LGR5: variants seen among roughly 807,000 people sequenced by gnomAD.
LGR5 encodes leucine-rich repeat-containing G protein-coupled receptor 5.
A neutral mutation model predicts 76.7 loss-of-function variants in LGR5; 54 were observed. The ratio of observed to expected loss-of-function variants is 0.70; its 90% CI spans 0.57 to 0.88. The LOEUF is 0.88. Among genes scored for constraint, LGR5 ranks in the 40% least tolerant of loss-of-function variants. The pLI, the probability that LGR5 is intolerant of heterozygous loss-of-function variation, is 0.00. For synonymous variants in LGR5, 406 were observed against 421.9 expected (o/e 0.96, Z 0.46); for missense variants, 1,078 against 1,073.3 (o/e 1.00, Z -0.06).
intron 2 of LGR5, among the ~76,000 whole-genome samples, chr12:71,523,137 G>A (rs1336615781): frequency 6.6e-6 from 1 of 152,086 alleles, no homozygotes; most frequent in African/African-American, 2.4e-5. Flanking sequence ...TTCATTTATA[G>A]TATATTATCA....
At chr12:71,458,832 A>C (rs1239536803) in intron 1 of LGR5, among the ~76,000 whole-genome samples, 2 of 152,040 alleles carry the variant, frequency 1.3e-5, no homozygotes, top group Non-Finnish European at 2.9e-5. Context: ...AAATTTTTTA[A>C]ATGCATATTT....
In LGR5 at chr12:71,475,594, G is replaced by A. The variant is rs144610506; in HGVS notation, c.213-29020G>A. On this transcript the variant is annotated intron_variant, in intron 1 of 17. Transcript: ENST00000266674. Reference sequence around the variant, plus strand: ...ACAGCCTGCTCTCTTATGCTGCGACGCTCTTGTACATGCTGTTCTCCTACC... The same window carrying A: ...ACAGCCTGCTCTCTTATGCTGCGACACTCTTGTACATGCTGTTCTCCTACC... Among the ~76,000 whole-genome samples, 1,149 of 152,246 alleles carry A rather than the reference G, an allele frequency of 7.5e-3. 5 individuals are homozygous for A. Among genetic ancestry groups the A allele is most frequent in the Non-Finnish European group, 0.012 (803 of 68,020 alleles).
At chr12:71,556,155 C>T (rs755985920) in intron 5 of LGR5, among the ~76,000 whole-genome samples, 4 of 152,116 alleles carry the variant, frequency 2.6e-5, no homozygotes, top group South Asian at 2.1e-4. Context: ...GAACAACACA[C>T]GCTGGGGCCT....
chr12:71,527,850 G>T (rs1876095889), intron 3 of LGR5, among the ~76,000 whole-genome samples: 1 of 152,184 alleles, frequency 6.6e-6, no homozygotes, highest in East Asian at 1.9e-4. Flanking sequence ...TTGGAAATTT[G>T]TGGGAGCATC....
At chr12:71,472,125 C>G (rs1223415936) in intron 1 of LGR5, among the ~76,000 whole-genome samples, 2 of 152,088 alleles carry the variant, frequency 1.3e-5, no homozygotes, top group African/African-American at 4.8e-5. Flanking sequence ...AACCACACAC[C>G]ACCTGTTCCT....
chr12:71,464,022 A>G (rs1872771023), intron 1 of LGR5, among the ~76,000 whole-genome samples: 1 of 152,304 alleles, frequency 6.6e-6, no homozygotes, highest in South Asian at 2.1e-4. Context: ...CCAAAGGAAT[A>G]TAGAAACCTC....
chr12:71,550,186 T>C (rs1283233623), intron 4 of LGR5, among the ~76,000 whole-genome samples: 2 of 152,120 alleles, frequency 1.3e-5, no homozygotes, highest in Non-Finnish European at 2.9e-5. Context: ...TTTTATTTTC[T>C]GTTGGCCAGG....
chr12:71,580,956 G>A (rs1879065569), intron 16 of LGR5, among the ~76,000 whole-genome samples: 1 of 152,162 alleles, frequency 6.6e-6, no homozygotes, highest in Non-Finnish European at 1.5e-5. Context: ...CATCTGTTCT[G>A]TAGGTGAATT....
intron 1 of LGR5, among the ~76,000 whole-genome samples, chr12:71,477,444 T>C (rs1391152263): frequency 1.3e-5 from 2 of 149,458 alleles, no homozygotes; most frequent in African/African-American, 4.9e-5. Context: ...CATTTAATAA[T>C]ATAATATATA....
Position 71,440,398 on chromosome 12 carries a change from G to C in LGR5, c.212+106G>C, listed in dbSNP as rs1031710940. 3.6e-6 allele frequency: 4 copies of C among 1,113,778 alleles called. No individual in the cohort carries two copies. The highest frequency in any genetic ancestry group is 2.5e-5 in the East Asian group (1 of 40,434). The allele number at this position is 1,113,778 out of a possible 1,614,324, so 69.0% of individuals were successfully genotyped here. ...CGGCGCCCGCCTGCTCGTGGGGGAG[G>C]GGGGCGAGTTTGTCAAGGGCATCCT... On this transcript the variant is annotated intron_variant, in intron 1 of 17. Coordinates refer to ENST00000266674, the MANE Select transcript of LGR5 (RefSeq NM_003667.4). The surrounding 1 kb of genome is among the most constrained non-coding windows in gnomAD (Gnocchi z 5.3).
At chr12:71,537,967 A>T (rs566161455) in intron 4 of LGR5, among the ~76,000 whole-genome samples, 1 of 150,898 alleles carries the variant, frequency 6.6e-6, no homozygotes, top group South Asian at 2.1e-4. Flanking sequence ...TCTTGAATTC[A>T]CTTTATTTTT....
rs183830252 is a variant in LGR5 at position 71,544,752 on chromosome 12, G to A, written c.429-8321G>A. 7.2e-5 allele frequency among the ~76,000 whole-genome samples: 11 copies of A among 152,228 alleles called. 1 individual carries two copies. In the East Asian group the frequency reaches 2.1e-3, roughly 29 times the overall value. On this transcript the variant is annotated intron_variant, in intron 4 of 17. Transcript: ENST00000266674. Reference sequence around the variant, plus strand: ...GTAAAATTTTATCACAACAAAAAATGTATGTACTTTGTTAAACTGTAATAT... The same window carrying A: ...GTAAAATTTTATCACAACAAAAAATATATGTACTTTGTTAAACTGTAATAT...
chr12:71,513,093 G>A (rs1181951297), intron 2 of LGR5, among the ~76,000 whole-genome samples: 1 of 152,152 alleles, frequency 6.6e-6, no homozygotes, highest in Admixed American at 6.5e-5. Flanking sequence ...TTGGGGCCTT[G>A]GGGATCTGAA....
At chr12:71,580,561 C>G (rs1194620617) in intron 16 of LGR5, 138 bp downstream of exon 16, 1 of 803,130 alleles carries the variant, frequency 1.2e-6, no homozygotes, top group East Asian at 2.7e-5. Context: ...TTTGGGAGGC[C>G]GAGGCAGATG....
intron 4 of LGR5, among the ~76,000 whole-genome samples, chr12:71,542,563 G>A (rs551183774): frequency 2.0e-5 from 3 of 152,148 alleles, no homozygotes; most frequent in Non-Finnish European, 4.4e-5. Context: ...GGTTAGGGAC[G>A]GTGGAGATGA....
In LGR5 at chr12:71,440,042, C is replaced by T; in HGVS notation, c.-39C>T. 6.3e-7 allele frequency: 1 copy of T among 1,587,894 alleles called. No homozygotes were observed. The highest frequency in any genetic ancestry group is 1.7e-5 in the Admixed American group (1 of 59,946). Reference sequence around the variant, plus strand: ...GCCCGTAGCAGTCCGGTGCTGCTCTCCGCCCGCGTCCGGCTCGTGGCCCCC... The same window carrying T: ...GCCCGTAGCAGTCCGGTGCTGCTCTTCGCCCGCGTCCGGCTCGTGGCCCCC... On this transcript the variant is annotated 5_prime_UTR_variant, in exon 1 of 18. Coordinates refer to ENST00000266674, the MANE Select transcript of LGR5 (RefSeq NM_003667.4). This position sits in a 1 kb window ranked among gnomAD's most constrained non-coding sequence, Gnocchi z 5.3.
rs192259200 is a variant in LGR5, at chr12:71,533,518, G to A, written c.357-1597G>A. 1.9e-3 allele frequency among the ~76,000 whole-genome samples: 291 copies of A among 152,142 alleles called. 3 individuals carry two copies. Among genetic ancestry groups the A allele is most frequent in the Admixed American group, 4.6e-3 (70 of 15,298 alleles). On this transcript the variant is annotated intron_variant, in intron 3 of 17. Coordinates refer to ENST00000266674, the MANE Select transcript of LGR5 (RefSeq NM_003667.4). ...TACTAAACCAGAAACTTTGGGATGGGGCCCAGCATTCTGTTTTAACAAACC... is the reference window on the plus strand; with the variant it reads ...TACTAAACCAGAAACTTTGGGATGGAGCCCAGCATTCTGTTTTAACAAACC...
intron 1 of LGR5, among the ~76,000 whole-genome samples, chr12:71,443,338 A>T (rs1192066259): frequency 6.6e-6 from 1 of 152,176 alleles, no homozygotes; most frequent in African/African-American, 2.4e-5. Flanking sequence ...ATTAATATTG[A>T]TTCTCTTTTC....
At chr12:71,526,781 G>C (rs1335316481) in intron 3 of LGR5, among the ~76,000 whole-genome samples, 1 of 152,056 alleles carries the variant, frequency 6.6e-6, no homozygotes, top group Non-Finnish European at 1.5e-5. Context: ...GCTCAGATTT[G>C]GCTTCCTAGG....
Sources: gnomAD v4.1 joint callset for allele counts (sites outside exome capture counted in the v4.1 genomes callset) on GRCh38, gnomAD v4.1.1 for gene constraint, Gnocchi (gnomAD v3.1) non-coding constraint, MANE v1.5 for transcripts, NCBI Gene and HGNC (gene_info 2026-07-23, HGNC 2026-07-21) for gene names.